Variants in CFAP96 observed in about 807,000 individuals in gnomAD.
CFAP96 encodes the protein cilia and flagella associated protein 96, also known as cilia-and flagella-associated protein 96.
chr4:185,439,944 TC>T, the CFAP96 span, among the ~76,000 whole-genome samples: 36 of 143,698 alleles, frequency 2.5e-4, no homozygotes, highest in Non-Finnish European at 5.1e-4. Flanking sequence ...CATATATGTA[TC>T]ATATATATGA....
chr4:185,426,700 G>C, the CFAP96 span, among the ~76,000 whole-genome samples: 4 of 152,168 alleles, frequency 2.6e-5, no homozygotes, highest in Non-Finnish European at 4.4e-5. Context: ...TGTTAAATAA[G>C]TGAATGAATA....
chr4:185,431,401 T>C, the CFAP96 span, among the ~76,000 whole-genome samples: 3 of 152,228 alleles, frequency 2.0e-5, no homozygotes, highest in African/African-American at 7.2e-5. Context: ...ACTGGGCTAC[T>C]AGTATTTCAC....
At chr4:185,429,854 G>T in the CFAP96 span, among the ~76,000 whole-genome samples, 2 of 151,770 alleles carry the variant, frequency 1.3e-5, no homozygotes, top group African/African-American at 2.4e-5. Flanking sequence ...GTGGAGTAGG[G>T]CGGGGGAGCT....
chr4:185,440,369 A>C, the CFAP96 span, among the ~76,000 whole-genome samples: 1 of 152,202 alleles, frequency 6.6e-6, no homozygotes, highest in South Asian at 2.1e-4. Flanking sequence ...GTAAGTAGGC[A>C]TATCTTTTGT....
the CFAP96 span, among the ~76,000 whole-genome samples, chr4:185,426,706 G>T: frequency 6.6e-6 from 1 of 152,136 alleles, no homozygotes; most frequent in African/African-American, 2.4e-5. Context: ...ATAAGTGAAT[G>T]AATAATTTTG....
chr4:185,437,400 C>A, the CFAP96 span, among the ~76,000 whole-genome samples: 4 of 152,138 alleles, frequency 2.6e-5, no homozygotes, highest in African/African-American at 4.8e-5. Context: ...ATAAAGAAAG[C>A]AGGTAGTAAT....
chr4:185,419,233 GC>G, the CFAP96 span, among the ~76,000 whole-genome samples: 2 of 152,112 alleles, frequency 1.3e-5, no homozygotes, highest in South Asian at 4.1e-4. Flanking sequence ...CCGGGTTCAC[GC>G]CATTCTCCTG....
the CFAP96 span, chr4:185,415,467 G>A: frequency 8.6e-5 from 78 of 910,436 alleles, no homozygotes; most frequent in East Asian, 2.1e-3. Context: ...TTTGCTAAAG[G>A]AAGTCTGAAT....
the CFAP96 span, among the ~76,000 whole-genome samples, chr4:185,439,820 T>G: frequency 3.2e-3 from 474 of 148,288 alleles, 2 homozygotes; most frequent in Middle Eastern, 0.011. Context: ...TATACTCATA[T>G]ATGTATATAC....
At chr4:185,443,566 C>G in the CFAP96 span, among the ~76,000 whole-genome samples, 1 of 151,096 alleles carries the variant, frequency 6.6e-6, no homozygotes, top group Non-Finnish European at 1.5e-5. Flanking sequence ...CCAGGCTGGT[C>G]TTGAACTCCT....
At chr4:185,408,872 C>T in the CFAP96 span, among the ~76,000 whole-genome samples, 4 of 152,188 alleles carry the variant, frequency 2.6e-5, no homozygotes, top group Admixed American at 2.0e-4. Flanking sequence ...AAACGGCCCA[C>T]TCATTCTCTC....
the CFAP96 span, chr4:185,425,870 T>C: frequency 6.2e-7 from 1 of 1,603,778 alleles, no homozygotes; most frequent in East Asian, 2.3e-5. Context: ...ACTCACCATG[T>C]CCGCGACGTG....
chr4:185,422,624 T>C, the CFAP96 span: 1 of 1,119,540 alleles, frequency 8.9e-7, no homozygotes, highest in Non-Finnish European at 1.3e-6. Flanking sequence ...CATATTCATA[T>C]AAATTAGAAT....
At chr4:185,438,245 A>G in the CFAP96 span, among the ~76,000 whole-genome samples, 1 of 151,988 alleles carries the variant, frequency 6.6e-6, no homozygotes, top group African/African-American at 2.4e-5. Context: ...TTGTCCTACA[A>G]TTTACCAACA....
chr4:185,443,340 A>ATTTTTTTTTTT, the CFAP96 span, among the ~76,000 whole-genome samples: 4 of 28,486 alleles, frequency 1.4e-4, no homozygotes, highest in African/African-American at 4.3e-4. Flanking sequence ...ATATATATAT[A>ATTTTTTTTTTT]TATTTTTTTT....
chr4:185,447,221 G>A, the CFAP96 span, among the ~76,000 whole-genome samples: 9 of 148,466 alleles, frequency 6.1e-5, no homozygotes, highest in Admixed American at 1.4e-4. Context: ...TCACTCTGTC[G>A]CCCAGGCTGG....
the CFAP96 span, chr4:185,425,853 C>G: frequency 6.2e-7 from 1 of 1,603,976 alleles, no homozygotes; most frequent in East Asian, 2.3e-5. Context: ...CGGTGACGAG[C>G]AGAGATACTC....
At chr4:185,439,316 G>A in the CFAP96 span, among the ~76,000 whole-genome samples, 1 of 152,114 alleles carries the variant, frequency 6.6e-6, no homozygotes, top group Non-Finnish European at 1.5e-5. Context: ...AGGGTGGAGA[G>A]CAGATCACCA....
At chr4:185,413,357 C>T in the CFAP96 span, among the ~76,000 whole-genome samples, 3 of 152,130 alleles carry the variant, frequency 2.0e-5, no homozygotes, top group African/African-American at 7.2e-5. Context: ...CATTGCACTA[C>T]AGCCTGAGTG....
Sources: allele counts gnomAD v4.1 joint callset (sites outside exome capture counted in the v4.1 genomes callset), GRCh38; gene constraint gnomAD v4.1.1; transcripts MANE v1.5; gene names NCBI Gene and HGNC (gene_info 2026-07-23, HGNC 2026-07-21).